The following TRPV4 variants were observed in gnomAD, a reference collection of about 807,000 sequenced individuals.
TRPV4 encodes the protein transient receptor potential cation channel subfamily V member 4.
In TRPV4, 58 loss-of-function variants were observed where a neutral mutation model predicts 84.1. The observed-to-expected ratio is 0.69, with a 90% CI of 0.56 to 0.86. TRPV4 has a LOEUF of 0.86. Among genes scored for constraint, TRPV4 ranks in the 40% least tolerant of loss-of-function variants. TRPV4 has a pLI of 0.00. For missense variants in TRPV4, 879 were observed against 1,181.1 expected, an observed-to-expected ratio of 0.74 and a Z score of 3.75; for synonymous variants, 489 against 500.9, an observed-to-expected ratio of 0.98 and a Z score of 0.32.
At chr12:109,809,037 CCCAT>C (rs139431272) in intron 2 of TRPV4, among the ~76,000 whole-genome samples, 16,097 of 143,554 alleles carry the variant, frequency 0.11, 1,063 homozygotes, top group Admixed American at 0.2. Context: ...CATCCACCCA[CCCAT>C]CCATCCATCC....
At chr12:109,829,167 G>A (rs1212274681) in intron 1 of TRPV4, among the ~76,000 whole-genome samples, 1 of 151,860 alleles carries the variant, frequency 6.6e-6, no homozygotes, top group African/African-American at 2.4e-5. Context: ...CTGAGACCCT[G>A]TCTCTAAAAA....
At position 109,814,285 on chromosome 12, in the gene TRPV4, T is replaced by TTGGATGGACAGATGGA. The variant is rs1263890002; in HGVS notation, c.386+110_386+125dup. ...GATGGATGGATAGATGTATGGATGG[T>TTGGATGGACAGATGGA]TGGATGGACAGATGGATGGATGGAT... On this transcript the variant is annotated intron_variant, in intron 2 of 15. Transcript: ENST00000261740. This position sits in a 1 kb window ranked among gnomAD's most constrained non-coding sequence, Gnocchi z 5.4. 2 of 1,105,970 alleles carry TTGGATGGACAGATGGA rather than the reference T, an allele frequency of 1.8e-6. No homozygotes were observed. Among genetic ancestry groups the TTGGATGGACAGATGGA allele is most frequent in the Non-Finnish European group, 2.7e-6 (2 of 753,730 alleles). The allele number at this position is 1,105,970 out of a possible 1,614,324, so 68.5% of individuals were successfully genotyped here.
Position 109,783,886 on chromosome 12 carries a change from G to C in TRPV4, c.2459-108C>G. 7.5e-7 allele frequency: 1 copy of C among 1,326,904 alleles called. No homozygotes were observed. The highest frequency in any genetic ancestry group is 1.0e-6 in the Non-Finnish European group (1 of 955,502). 82.2% of individuals were successfully genotyped at this position (1,326,904 alleles called of 1,614,324 possible). A position where few individuals can be genotyped will look rare whatever the true frequency, so the allele number is the denominator to read the frequency against. ...GCACTCCACAGTGTTCTGAAGGGGG[G>C]ATGTGACTATGCTCATTTTACAGAG... On this transcript the variant is annotated intron_variant, in intron 15 of 15. Coordinates refer to ENST00000261740, the MANE Select transcript of TRPV4 (RefSeq NM_021625.5). This position sits in a 1 kb window ranked among gnomAD's most constrained non-coding sequence, Gnocchi z 4.6.
At position 109,786,824 on chromosome 12, in the gene TRPV4, A is replaced by C. The variant is rs1384628741; in HGVS notation, c.2222T>G (p.Ile741Ser). 6.2e-7 allele frequency: 1 copy of C among 1,613,920 alleles called. No homozygotes were observed. The highest frequency in any genetic ancestry group is 2.2e-5 in the East Asian group (1 of 44,884). The change falls in exon 14 of 16, where the codon ATC becomes AGC. Residue 741 changes from isoleucine to serine, a missense_variant. Physicochemically the swap from Ile to Ser is moderately radical, Grantham distance 142. Coordinates refer to ENST00000261740, the MANE Select transcript of TRPV4 (RefSeq NM_021625.5). The surrounding 1 kb of genome is among the most constrained non-coding windows in gnomAD (Gnocchi z 4.5). The part of the protein sequence containing the change: ...HIWKLQWATT[I>S]LDIERSFPVF... ...GGGGAAGGAGCGCTCAATGTCCAGGATGGTGGTGGCCCACTGCGGGGAGGG... is the reference window on the plus strand; with the variant it reads ...GGGGAAGGAGCGCTCAATGTCCAGGCTGGTGGTGGCCCACTGCGGGGAGGG...
At chr12:109,820,090 C>G (rs896597504) in intron 1 of TRPV4, among the ~76,000 whole-genome samples, 1 of 152,134 alleles carries the variant, frequency 6.6e-6, no homozygotes, top group Non-Finnish European at 1.5e-5. Flanking sequence ...TACTATGTGC[C>G]AGGCACTGTG....
chr12:109,825,405 G>A (rs575223001), intron 1 of TRPV4, among the ~76,000 whole-genome samples: 4 of 152,120 alleles, frequency 2.6e-5, no homozygotes, highest in Admixed American at 1.3e-4. Flanking sequence ...CACCCAGGTC[G>A]TAGCAATTAT....
chr12:109,797,931 G>A (rs574342542), intron 6 of TRPV4, among the ~76,000 whole-genome samples: 1 of 152,296 alleles, frequency 6.6e-6, no homozygotes, highest in East Asian at 1.9e-4. Context: ...CTGAGGCACA[G>A]AAAAGGGAAA....
At chr12:109,827,765 C>T (rs1892303374) in intron 1 of TRPV4, among the ~76,000 whole-genome samples, 1 of 144,840 alleles carries the variant, frequency 6.9e-6, no homozygotes, top group Non-Finnish European at 1.5e-5. Context: ...TACACACATA[C>T]ACACATATAT....
In TRPV4 at chr12:109,815,164, C is replaced by T. The variant is rs888158172; in HGVS notation, c.-31-337G>A. ...TGACCAAGAAAGCCAGCTTTGGAGCCCCAGAGAGCCAAGTTCAAATCCAGG... is the reference window on the plus strand; with the variant it reads ...TGACCAAGAAAGCCAGCTTTGGAGCTCCAGAGAGCCAAGTTCAAATCCAGG... On this transcript the variant is annotated intron_variant, in intron 1 of 15. Transcript: ENST00000261740. This position sits in a 1 kb window ranked among gnomAD's most constrained non-coding sequence, Gnocchi z 4.1. Among the ~76,000 whole-genome samples, 1 of 152,148 alleles carries T rather than the reference C, an allele frequency of 6.6e-6. No homozygotes were observed. The highest frequency in any genetic ancestry group is 1.5e-5 in the Non-Finnish European group (1 of 68,014).
chr12:109,824,449 G>A (rs1892195791), intron 1 of TRPV4, among the ~76,000 whole-genome samples: 1 of 152,002 alleles, frequency 6.6e-6, no homozygotes, highest in African/African-American at 2.4e-5. Flanking sequence ...AGCCCAGGAG[G>A]AGGGAGGCAT....
At chr12:109,794,597 T>C (rs543281371) in intron 7 of TRPV4, 110 bp from the exon 8 acceptor site, 2 of 1,143,654 alleles carry the variant, frequency 1.7e-6, no homozygotes, top group East Asian at 2.3e-5. Context: ...GCGCTTTCTC[T>C]TTCCATCCAT....
chr12:109,829,836 T>C (rs1892364568), intron 1 of TRPV4, among the ~76,000 whole-genome samples: 1 of 152,190 alleles, frequency 6.6e-6, no homozygotes, highest in Non-Finnish European at 1.5e-5. Context: ...AGGCTCTTTG[T>C]TTGTTTTGAG....
chr12:109,810,827 G>A (rs1344585474), intron 2 of TRPV4, among the ~76,000 whole-genome samples: 6 of 152,154 alleles, frequency 3.9e-5, no homozygotes, highest in African/African-American at 1.4e-4. Flanking sequence ...TGGGGTAGGG[G>A]TGGGGAGGAG....
chr12:109,792,936 C>A, intron 10 of TRPV4, 119 bp from the exon 11 acceptor site: 2 of 994,736 alleles, frequency 2.0e-6, no homozygotes, highest in Non-Finnish European at 3.0e-6. Context: ...GCCTTCTAGA[C>A]CCCCAGAAAA....
At chr12:109,820,212 G>T (rs1394284876) in intron 1 of TRPV4, among the ~76,000 whole-genome samples, 1 of 152,126 alleles carries the variant, frequency 6.6e-6, no homozygotes, top group African/African-American at 2.4e-5. Context: ...CATGTCGGAT[G>T]GTGTTAAGAA....
At chr12:109,795,587 G>C (rs1890335838) in intron 7 of TRPV4, among the ~76,000 whole-genome samples, 1 of 152,088 alleles carries the variant, frequency 6.6e-6, no homozygotes, top group South Asian at 2.1e-4. Flanking sequence ...TCCTGATAAA[G>C]GCAGAAACAA....
chr12:109,786,451 G>A lies in TRPV4; in HGVS notation c.2336+259C>T, dbSNP rs763926693. Among the ~76,000 whole-genome samples the A allele has an allele frequency of 4.6e-5, 7 of 152,322 alleles. No homozygotes were observed. The highest frequency in any genetic ancestry group is 1.9e-4 in the East Asian group (1 of 5,194). On this transcript the variant is annotated intron_variant, in intron 14 of 15. Transcript: ENST00000261740. This position sits in a 1 kb window ranked among gnomAD's most constrained non-coding sequence, Gnocchi z 4.5. ...CGGGCACTGGCTGAGCACTTCTCACGTGCTGACCTGTCTAATCCGCACCGC... is the reference window on the plus strand; with the variant it reads ...CGGGCACTGGCTGAGCACTTCTCACATGCTGACCTGTCTAATCCGCACCGC...
chr12:109,829,764 G>C (rs1294043117), intron 1 of TRPV4, among the ~76,000 whole-genome samples: 1 of 152,222 alleles, frequency 6.6e-6, no homozygotes, highest in African/African-American at 2.4e-5. Flanking sequence ...TCCTCCAGCG[G>C]GGAATAGCAG....
rs560428838 is a variant in TRPV4 at position 109,788,089 on chromosome 12, C to A, written c.2208+311G>T. ...ACCCCTGCTGAAACGCTGATGCCCA[C>A]GGAGCACTTTCTGAGCCGGCAGAAG... On this transcript the variant is annotated intron_variant, in intron 13 of 15. Transcript: ENST00000261740. 1.5e-3 allele frequency among the ~76,000 whole-genome samples: 226 copies of A among 152,318 alleles called. 1 individual carries two copies. Among genetic ancestry groups the A allele is most frequent in the African/African-American group, 5.1e-3 (214 of 41,572 alleles).
Sources: allele counts gnomAD v4.1 joint callset (sites outside exome capture counted in the v4.1 genomes callset), GRCh38; gene constraint gnomAD v4.1.1; non-coding constraint Gnocchi (gnomAD v3.1); transcripts MANE v1.5; gene names NCBI Gene and HGNC (gene_info 2026-07-23, HGNC 2026-07-21).